The following VPS45 variants were observed in gnomAD, a reference collection of about 807,000 sequenced individuals.
VPS45 encodes the protein vacuolar protein sorting 45 homolog.
VPS45 carries 35 observed loss-of-function variants against 75.9 expected under a neutral mutation model. That is an observed-to-expected ratio of 0.46 (90% CI 0.35 to 0.61). VPS45 has a LOEUF of 0.61. Among genes scored for constraint, VPS45 ranks in the 20% least tolerant of loss-of-function variants. The pLI is 0.00. For synonymous variants in VPS45, 220 were observed against 238.2 expected (o/e 0.92, Z 0.70); for missense variants, 559 against 685.9 (o/e 0.81, Z 2.07).
chr1:150,141,906 G>A (rs1358012603), intron 14 of VPS45, among the ~76,000 whole-genome samples: 2 of 152,176 alleles, frequency 1.3e-5, no homozygotes, highest in African/African-American at 2.4e-5. Context: ...TGGCACCAAC[G>A]GAGAAGGGGA....
intron 13 of VPS45, 157 bp from the exon 14 acceptor site, chr1:150,110,339 G>T (rs1657576079): frequency 3.0e-6 from 2 of 659,770 alleles, no homozygotes; most frequent in South Asian, 6.3e-5. Context: ...GCCAATTTCA[G>T]ATAATTGAAA....
At chr1:150,134,045 G>A (rs74124315) in intron 14 of VPS45, among the ~76,000 whole-genome samples, 3,280 of 152,200 alleles carry the variant, frequency 0.022, 98 homozygotes, top group African/African-American at 0.074. Flanking sequence ...AGGGAATTCC[G>A]AAGGAATAGC....
At chr1:150,101,070 G>A (rs1259512232) in intron 13 of VPS45, among the ~76,000 whole-genome samples, 2 of 152,084 alleles carry the variant, frequency 1.3e-5, no homozygotes, top group African/African-American at 4.8e-5. Context: ...AGGAATTCGA[G>A]ACCACCTAGT....
In VPS45 at chr1:150,124,552, C is replaced by CTTTTTTTTTTTTTTTT. The variant is rs1415553849; in HGVS notation, c.1625+13938_1625+13939insTTTTTTTTTTTTTTTT. 1.4e-5 allele frequency among the ~76,000 whole-genome samples: 2 copies of CTTTTTTTTTTTTTTTT among 140,218 alleles called. 1 individual carries two copies. The highest frequency in any genetic ancestry group is 3.0e-5 in the Non-Finnish European group (2 of 65,580). 92.0% of individuals were successfully genotyped at this position (140,218 alleles called of 152,430 possible). On this transcript the variant is annotated intron_variant, in intron 14 of 14. Coordinates refer to ENST00000644510, the MANE Select transcript of VPS45 (RefSeq NM_007259.5). The stretch of plus-strand genomic sequence containing the variant: ...AATATGTTGGCTTTTTTTCTTTTTT[C>CTTTTTTTTTTTTTTTT]TTTTTTTTTTTTTGAGACAGAGTCT...
At chr1:150,107,327 C>G (rs1219380391) in intron 13 of VPS45, among the ~76,000 whole-genome samples, 1 of 152,154 alleles carries the variant, frequency 6.6e-6, no homozygotes, top group African/African-American at 2.4e-5. Context: ...TTTTCTCAAA[C>G]CTAAACCACT....
chr1:150,145,063 G>A lies in VPS45; in HGVS notation c.*267G>A. 1.2e-6 allele frequency: 1 copy of A among 862,228 alleles called. No individual in the cohort carries two copies. The highest frequency in any genetic ancestry group is 1.8e-5 in the South Asian group (1 of 56,532). The allele number at this position is 862,228 out of a possible 1,614,324, so 53.4% of individuals were successfully genotyped here. On this transcript the variant is annotated 3_prime_UTR_variant, in exon 15 of 15. Coordinates refer to ENST00000644510, the MANE Select transcript of VPS45 (RefSeq NM_007259.5). ...ACTTCAGTTACTGATGAATTTTGTT[G>A]GGATCTGACTTGGGGAAAGGGTTAT...
At chr1:150,132,179 G>T (rs934094194) in intron 14 of VPS45, among the ~76,000 whole-genome samples, 2 of 152,228 alleles carry the variant, frequency 1.3e-5, no homozygotes, top group East Asian at 3.9e-4. Context: ...TTTGTTTCCT[G>T]CAGCCAGAAT....
chr1:150,130,940 G>A (rs1658801443), intron 14 of VPS45, among the ~76,000 whole-genome samples: 1 of 152,082 alleles, frequency 6.6e-6, no homozygotes, highest in Non-Finnish European at 1.5e-5. Context: ...CGAAGAAATA[G>A]GAACATAGAG....
intron 14 of VPS45, among the ~76,000 whole-genome samples, chr1:150,126,639 TTTA>T (rs1485232896): frequency 6.6e-6 from 1 of 152,170 alleles, no homozygotes; most frequent in Non-Finnish European, 1.5e-5. Flanking sequence ...ATCAGTGAAT[TTTA>T]TTGTCTATGA....
At chr1:150,097,530 C>T (rs1270922899) in intron 13 of VPS45, among the ~76,000 whole-genome samples, 2 of 151,548 alleles carry the variant, frequency 1.3e-5, no homozygotes, top group African/African-American at 4.8e-5. Flanking sequence ...ACCAGCCTGG[C>T]CAACATGGTG....
At chr1:150,093,382 A>T in intron 12 of VPS45, 145 bp from the exon 13 acceptor site, 1 of 910,430 alleles carries the variant, frequency 1.1e-6, no homozygotes, top group Non-Finnish European at 1.6e-6. Flanking sequence ...AGCTGATTAA[A>T]ATAATTTTTA....
chr1:150,117,296 C>T (rs1362917351), intron 14 of VPS45, among the ~76,000 whole-genome samples: 6 of 150,372 alleles, frequency 4.0e-5, no homozygotes, highest in Non-Finnish European at 7.4e-5. Flanking sequence ...CCAAGGTGGG[C>T]GGATCACCTG....
chr1:150,140,574 A>T (rs1559950289), intron 14 of VPS45, among the ~76,000 whole-genome samples: 1 of 151,252 alleles, frequency 6.6e-6, no homozygotes, highest in Non-Finnish European at 1.5e-5. Context: ...CCATGAGAGC[A>T]GAGGGGTTTT....
chr1:150,141,148 A>G (rs1659372504), intron 14 of VPS45, among the ~76,000 whole-genome samples: 1 of 152,224 alleles, frequency 6.6e-6, no homozygotes, highest in African/African-American at 2.4e-5. Flanking sequence ...AACTTCTCCA[A>G]GTAAGTGTTT....
At chr1:150,137,374 G>A (rs1659166146) in intron 14 of VPS45, among the ~76,000 whole-genome samples, 1 of 152,178 alleles carries the variant, frequency 6.6e-6, no homozygotes. Flanking sequence ...TACTAAGGAT[G>A]AAGAAAGTAA....
intron 6 of VPS45, chr1:150,077,467 C>G: frequency 1.4e-6 from 1 of 693,282 alleles, no homozygotes; most frequent in Non-Finnish European, 2.3e-6. Context: ...TCCAGTTAAA[C>G]CACTTATAAA....
intron 2 of VPS45, among the ~76,000 whole-genome samples, chr1:150,070,992 T>A (rs1655038529): frequency 1.3e-5 from 2 of 152,080 alleles, no homozygotes; most frequent in African/African-American, 2.4e-5. Context: ...TTTAAAAGAT[T>A]TATTATTTAA....
At chr1:150,112,162 A>G (rs1282927169) in intron 14 of VPS45, among the ~76,000 whole-genome samples, 3 of 151,808 alleles carry the variant, frequency 2.0e-5, no homozygotes, top group African/African-American at 7.3e-5. Context: ...TTTTTTTCTT[A>G]ATAATTTTTT....
intron 14 of VPS45, among the ~76,000 whole-genome samples, chr1:150,127,317 G>A (rs1272243754): frequency 2.6e-5 from 2 of 77,402 alleles, no homozygotes; most frequent in African/African-American, 1.1e-4. Flanking sequence ...ACTCAGTGAA[G>A]CAGATTTTTT....
Sources: allele counts gnomAD v4.1 joint callset (sites outside exome capture counted in the v4.1 genomes callset), GRCh38; gene constraint gnomAD v4.1.1; transcripts MANE v1.5; gene names NCBI Gene and HGNC (gene_info 2026-07-23, HGNC 2026-07-21).